Variants in NEK9 observed in about 807,000 individuals in gnomAD.
NEK9 encodes serine/threonine-protein kinase Nek9.
Under a neutral mutation model 123.4 loss-of-function variants are expected in NEK9, and 75 were observed. The ratio of observed to expected loss-of-function variants is 0.61; its 90% CI spans 0.50 to 0.74. The LOEUF (loss-of-function observed/expected upper bound fraction) is 0.74, where lower values mean the gene tolerates loss of function less well. Among genes scored for constraint, NEK9 ranks in the 30% least tolerant of loss-of-function variants. The pLI, the probability that NEK9 is intolerant of heterozygous loss-of-function variation, is 0.00. For missense variants in NEK9, 952 were observed against 1,214.4 expected, an observed-to-expected ratio of 0.78 and a Z score of 3.21; for synonymous variants, 438 against 458.7, an observed-to-expected ratio of 0.95 and a Z score of 0.58.
chr14:75,093,324 G>A (rs997362181), intron 18 of NEK9, among the ~76,000 whole-genome samples: 3 of 152,314 alleles, frequency 2.0e-5, no homozygotes, highest in East Asian at 1.9e-4. Flanking sequence ...TGTATTTGCC[G>A]TGTGAATTCC....
At position 75,101,068 on chromosome 14, in the gene NEK9, C is replaced by G; in HGVS notation, c.1926G>C (p.Leu642=). 6.2e-7 allele frequency: 1 copy of G among 1,614,264 alleles called. No homozygotes were observed. Among genetic ancestry groups the G allele is most frequent in the African/African-American group, 1.3e-5 (1 of 75,070 alleles). ...GCTTCCCACCAAGGGGTCCCCCCAA[C>G]AGGTTGATTCCCAGACGCTTCTTGT... The part of the protein sequence containing the change: ...GNYKKRLGIN[L]LGGPLGGKQV... The change falls in exon 16 of 22, where the codon CTG becomes CTC. Residue 642 remains leucine (L), a synonymous_variant. Coordinates refer to ENST00000238616, the MANE Select transcript of NEK9 (RefSeq NM_033116.6).
chr14:75,124,516 A>T (rs1268444978), intron 1 of NEK9, among the ~76,000 whole-genome samples: 1 of 152,222 alleles, frequency 6.6e-6, no homozygotes, highest in African/African-American at 2.4e-5. Flanking sequence ...TATTGAGGAT[A>T]CTATGACAGA....
At position 75,095,959 on chromosome 14, in the gene NEK9, G is replaced by T. The variant is rs550748893; in HGVS notation, c.2174-528C>A. Among the ~76,000 whole-genome samples the T allele has an allele frequency of 4.4e-4, 67 of 152,244 alleles. 3 individuals are homozygous for T. The South Asian group carries it at 0.013, about 30-fold the overall frequency. On this transcript the variant is annotated intron_variant, in intron 17 of 21. Coordinates refer to ENST00000238616, the MANE Select transcript of NEK9 (RefSeq NM_033116.6). ...CACCCCAGAGATTCTGATTTAATTG[G>T]TCAGGGATAGGGTCTGGACCGTGGT...
At position 75,082,609 on chromosome 14, in the gene NEK9, A is replaced by G. The variant is rs1893898365; in HGVS notation, c.*1955T>C. On this transcript the variant is annotated 3_prime_UTR_variant, in exon 22 of 22. Transcript: ENST00000238616. ...GAAAGGCTCCCCTATGAACAAGACC[A>G]GGGCACTCACCCACCCCCGGCACTC... 5.3e-6 allele frequency: 1 copy of G among 189,642 alleles called. No homozygotes were observed. The highest frequency in any genetic ancestry group is 1.2e-4 in the East Asian group (1 of 8,098). The allele number at this position is 189,642 out of a possible 1,614,324, so 11.7% of individuals were successfully genotyped here.
chr14:75,086,105 C>T (rs1039513508), intron 21 of NEK9, among the ~76,000 whole-genome samples: 1 of 151,814 alleles, frequency 6.6e-6, no homozygotes, highest in African/African-American at 2.4e-5. Flanking sequence ...AGAAGAATCA[C>T]TTGAACCCGG....
chr14:75,103,609 C>T (rs1894663121), intron 14 of NEK9, among the ~76,000 whole-genome samples: 1 of 152,158 alleles, frequency 6.6e-6, no homozygotes, highest in Non-Finnish European at 1.5e-5. Flanking sequence ...CAATAAGTAG[C>T]CACAGTTTTG....
At chr14:75,115,409 G>A (rs915530569) in intron 6 of NEK9, among the ~76,000 whole-genome samples, 9 of 152,032 alleles carry the variant, frequency 5.9e-5, no homozygotes, top group Non-Finnish European at 1.2e-4. Context: ...GAGCCACCGC[G>A]CCCAGCCTCT....
At chr14:75,121,086 A>C (rs766828399) in intron 3 of NEK9, 33 bp downstream of exon 3, 11 of 1,547,544 alleles carry the variant, frequency 7.1e-6, no homozygotes, top group Non-Finnish European at 9.8e-6. Flanking sequence ...CAACACTACA[A>C]TTCTAACTTC....
intron 16 of NEK9, 136 bp downstream of exon 16, chr14:75,100,856 C>T (rs906734113): frequency 1.4e-5 from 12 of 844,730 alleles, no homozygotes; most frequent in African/African-American, 3.4e-5. Flanking sequence ...TATATATAAC[C>T]GGCCACCAAT....
intron 6 of NEK9, among the ~76,000 whole-genome samples, chr14:75,115,153 T>C (rs1895099707): frequency 6.7e-6 from 1 of 150,190 alleles, no homozygotes; most frequent in Admixed American, 6.6e-5. Context: ...TCTCACTCTG[T>C]CACCCAGGCT....
At chr14:75,110,197 A>C in intron 9 of NEK9, 124 bp downstream of exon 9, 1 of 717,114 alleles carries the variant, frequency 1.4e-6, no homozygotes, top group East Asian at 2.6e-5. Context: ...CTGACATTTA[A>C]GCAGATGCTG....
At chr14:75,115,113 G>GTACA (rs1895096327) in intron 6 of NEK9, among the ~76,000 whole-genome samples, 1 of 111,484 alleles carries the variant, frequency 9.0e-6, no homozygotes, top group Admixed American at 1.0e-4. Context: ...ACGTGTGTGC[G>GTACA]TACACACACA....
intron 21 of NEK9, chr14:75,086,564 AAC>A (rs1286046656): frequency 2.5e-5 from 4 of 163,228 alleles, no homozygotes; most frequent in Non-Finnish European, 5.4e-5. Context: ...TAGGTGCCTG[AAC>A]AAGGCCCAAG....
At chr14:75,124,265 G>A in intron 1 of NEK9, 42 bp from the exon 2 acceptor site, 2 of 1,575,158 alleles carry the variant, frequency 1.3e-6, no homozygotes, top group South Asian at 1.1e-5. Flanking sequence ...CCTCTTGCCT[G>A]GCAGCAAATG....
Position 75,106,666 on chromosome 14 carries a change from T to C in NEK9, c.1364A>G (p.Tyr455Cys), listed in dbSNP as rs1384582469. The C allele has an allele frequency of 7.4e-6, 12 of 1,613,990 alleles. No individual in the cohort carries two copies. The highest frequency in any genetic ancestry group is 1.0e-5 in the Non-Finnish European group (12 of 1,180,020). The change falls in exon 12 of 22, where the codon TAT becomes TGT. Residue 455 changes from tyrosine to cysteine, a missense_variant. Around this residue, in one of 4 missense-constraint regions of NEK9, gnomAD observed 698 missense variants for 875.6 expected, o/e 0.80. Coordinates refer to ENST00000238616, the MANE Select transcript of NEK9 (RefSeq NM_033116.6). ...AACTTTGTCCACCCCCATGCAGCCA[T>C]AATAATCTGATCCGAAGGCATAGAG... The part of the protein sequence containing the change: ...GQLYAFGSDY[Y>C]GCMGVDKVAG...
intron 16 of NEK9, 37 bp downstream of exon 16, chr14:75,100,955 G>C (rs1216052678): frequency 3.8e-6 from 6 of 1,586,760 alleles, no homozygotes; most frequent in African/African-American, 2.7e-5. Context: ...ACACAGCCAT[G>C]TGTCCAGAAA....
chr14:75,124,204 C>T lies in NEK9; in HGVS notation c.239G>A (p.Trp80Ter), dbSNP rs1366279703. Residue 80 changes from tryptophan (W) to a stop codon, truncating the protein, a stop_gained, in exon 2 of 22, where the codon TGG (tryptophan) becomes TAG (stop). Coordinates refer to ENST00000238616, the MANE Select transcript of NEK9 (RefSeq NM_033116.6). LOFTEE classifies it high-confidence loss of function. ...CAGCCGGGTCAAATCGACTTCCTTC[C>T]ACACAACCAGTGAGTCATCCTAAAC... ...RRTEDDSLVV[W>*]KEVDLTRLSE... The T allele has an allele frequency of 1.2e-6, 2 of 1,613,820 alleles. No homozygotes were observed. Among genetic ancestry groups the T allele is most frequent in the Admixed American group, 3.3e-5 (2 of 60,004 alleles).
intron 1 of NEK9, among the ~76,000 whole-genome samples, chr14:75,125,410 T>C (rs1009698014): frequency 6.6e-5 from 10 of 152,174 alleles, no homozygotes; most frequent in African/African-American, 2.4e-4. Context: ...TGGACAACGC[T>C]ATGCAATTTT....
intron 20 of NEK9, 61 bp from the exon 21 acceptor site, chr14:75,087,291 A>T (rs1047951241): frequency 1.5e-6 from 2 of 1,303,820 alleles, no homozygotes; most frequent in African/African-American, 2.9e-5. Flanking sequence ...TCCTCAATCC[A>T]AACTTCCTCT....
Sources: gnomAD v4.1 joint callset for allele counts (sites outside exome capture counted in the v4.1 genomes callset) on GRCh38, gnomAD v4.1.1 for gene constraint, gnomAD v4.1.1 regional missense constraint, MANE v1.5 for transcripts, NCBI Gene and HGNC (gene_info 2026-07-23, HGNC 2026-07-21) for gene names.